Variants in CCSER1 observed in about 807,000 individuals in gnomAD.
CCSER1 encodes serine-rich coiled-coil domain-containing protein 1.
Under a neutral mutation model 82.0 loss-of-function variants are expected in CCSER1, and 41 were observed. The observed-to-expected ratio is 0.50, with a 90% CI of 0.39 to 0.65. The LOEUF (loss-of-function observed/expected upper bound fraction) is 0.65, where lower values mean the gene tolerates loss of function less well. Ranked by LOEUF, CCSER1 falls within the 30% of genes least tolerant of loss-of-function variation. The pLI is 0.00. For synonymous variants in CCSER1, 414 were observed against 383.9 expected (o/e 1.08, Z -0.92); for missense variants, 1,119 against 1,064.2 (o/e 1.05, Z -0.72).
intron 10 of CCSER1, among the ~76,000 whole-genome samples, chr4:91,524,867 A>T (rs1317131874): frequency 6.6e-6 from 1 of 152,190 alleles, no homozygotes; most frequent in Non-Finnish European, 1.5e-5. Flanking sequence ...ATCTGTTCTT[A>T]TCACATAGGA....
intron 3 of CCSER1, among the ~76,000 whole-genome samples, chr4:90,361,269 AATT>A (rs1745323874): frequency 6.6e-6 from 1 of 152,192 alleles, no homozygotes. Flanking sequence ...GGTTCTCAAT[AATT>A]ATTAGCAACT....
intron 8 of CCSER1, among the ~76,000 whole-genome samples, chr4:90,898,794 C>T (rs1023618786): frequency 1.3e-5 from 2 of 151,526 alleles, no homozygotes; most frequent in Non-Finnish European, 2.9e-5. Flanking sequence ...TATTCTGTTC[C>T]ACTGCTCTAT....
chr4:91,576,029 A>T (rs941194505), intron 10 of CCSER1, among the ~76,000 whole-genome samples: 1 of 151,974 alleles, frequency 6.6e-6, no homozygotes, highest in Non-Finnish European at 1.5e-5. Flanking sequence ...TGAAATCAGT[A>T]TGTCAAAGAG....
intron 9 of CCSER1, among the ~76,000 whole-genome samples, chr4:90,960,692 C>T (rs1336041728): frequency 6.6e-6 from 1 of 152,124 alleles, no homozygotes. Context: ...CACCTCAGAG[C>T]TCTTATTCTG....
chr4:90,531,372 G>C (rs1207745005), intron 5 of CCSER1, among the ~76,000 whole-genome samples: 2 of 148,746 alleles, frequency 1.3e-5, no homozygotes, highest in Non-Finnish European at 3.0e-5. Context: ...AAAATCCTTA[G>C]TGAGATTCAT....
intron 10 of CCSER1, among the ~76,000 whole-genome samples, chr4:91,163,877 C>T (rs560895021): frequency 1.3e-5 from 2 of 151,860 alleles, no homozygotes; most frequent in East Asian, 3.9e-4. Context: ...GGTCTTGACT[C>T]TATCCAATTT....
intron 10 of CCSER1, among the ~76,000 whole-genome samples, chr4:91,161,462 G>A (rs1167732290): frequency 1.3e-5 from 2 of 152,106 alleles, no homozygotes; most frequent in African/African-American, 2.4e-5. Flanking sequence ...AGCTTGGTGG[G>A]GATGGCATTG....
At chr4:91,590,394 C>A (rs1396144299) in intron 10 of CCSER1, among the ~76,000 whole-genome samples, 1 of 152,274 alleles carries the variant, frequency 6.6e-6, no homozygotes, top group Admixed American at 6.6e-5. Flanking sequence ...GCAGTAACTA[C>A]TTCTTTACAC....
intron 10 of CCSER1, among the ~76,000 whole-genome samples, chr4:91,437,943 T>G (rs979324400): frequency 7.2e-5 from 11 of 152,186 alleles, no homozygotes; most frequent in African/African-American, 2.4e-4. Flanking sequence ...CGCCCGCCAT[T>G]GCCCAGGCTT....
At chr4:90,349,410 T>C (rs1489323143) in intron 3 of CCSER1, among the ~76,000 whole-genome samples, 1 of 152,088 alleles carries the variant, frequency 6.6e-6, no homozygotes, top group African/African-American at 2.4e-5. Flanking sequence ...GGTGAGCACT[T>C]GTTTAGGATA....
At chr4:90,727,641 T>G (rs1743906755) in intron 7 of CCSER1, among the ~76,000 whole-genome samples, 1 of 152,170 alleles carries the variant, frequency 6.6e-6, no homozygotes, top group Non-Finnish European at 1.5e-5. Context: ...GGATGACCCT[T>G]TCAATGTTTT....
chr4:91,578,864 A>G (rs1022511823), intron 10 of CCSER1, among the ~76,000 whole-genome samples: 2 of 151,936 alleles, frequency 1.3e-5, no homozygotes, highest in Non-Finnish European at 2.9e-5. Context: ...TGTTTACAGA[A>G]GTACCCACTA....
chr4:90,721,443 G>C (rs1742664477), intron 6 of CCSER1, among the ~76,000 whole-genome samples: 1 of 151,746 alleles, frequency 6.6e-6, no homozygotes, highest in African/African-American at 2.4e-5. Flanking sequence ...GCTCTTCTAT[G>C]TTCCCATAGG....
intron 10 of CCSER1, among the ~76,000 whole-genome samples, chr4:91,525,102 AG>A (rs1187243471): frequency 4.6e-5 from 7 of 152,144 alleles, no homozygotes; most frequent in African/African-American, 1.7e-4. Flanking sequence ...CTCCACAGTG[AG>A]GGAGATTCTA....
intron 10 of CCSER1, among the ~76,000 whole-genome samples, chr4:91,117,789 C>A (rs1054271543): frequency 1.3e-5 from 2 of 152,134 alleles, no homozygotes; most frequent in African/African-American, 4.8e-5. Context: ...TGACCATAGA[C>A]ATATTCTTAT....
At chr4:90,844,495 T>C (rs1020439612) in intron 8 of CCSER1, among the ~76,000 whole-genome samples, 16 of 152,146 alleles carry the variant, frequency 1.1e-4, no homozygotes, top group Admixed American at 5.2e-4. Context: ...AGCATGCTTC[T>C]TCCTTAGGGT....
intron 8 of CCSER1, among the ~76,000 whole-genome samples, chr4:90,840,143 A>T (rs1762394792): frequency 6.6e-6 from 1 of 152,136 alleles, no homozygotes; most frequent in African/African-American, 2.4e-5. Context: ...TATTAAAATG[A>T]ACATCAACTA....
chr4:91,431,131 C>T (rs937391412), intron 10 of CCSER1, among the ~76,000 whole-genome samples: 2 of 151,872 alleles, frequency 1.3e-5, no homozygotes, highest in Non-Finnish European at 2.9e-5. Flanking sequence ...AGCTACTCGG[C>T]AGGCTGAGGC....
intron 10 of CCSER1, among the ~76,000 whole-genome samples, chr4:91,262,436 C>T (rs150387894): frequency 6.6e-6 from 1 of 151,952 alleles, no homozygotes; most frequent in African/African-American, 2.4e-5. Flanking sequence ...AACTGAGTTG[C>T]CCATAGCTGA....
Sources: gnomAD v4.1 joint callset for allele counts (sites outside exome capture counted in the v4.1 genomes callset) on GRCh38, gnomAD v4.1.1 for gene constraint, MANE v1.5 for transcripts, NCBI Gene and HGNC (gene_info 2026-07-23, HGNC 2026-07-21) for gene names.